PDGFC: variants seen among roughly 807,000 people sequenced by gnomAD.
PDGFC encodes the protein platelet derived growth factor C.
Under a neutral mutation model 35.5 loss-of-function variants are expected in PDGFC, and 12 were observed. That is an observed-to-expected ratio of 0.34 (90% CI 0.22 to 0.55). PDGFC has a LOEUF of 0.55. Ranked by LOEUF, PDGFC falls within the 20% of genes least tolerant of loss-of-function variation. PDGFC has a pLI of 0.91. For synonymous variants in PDGFC, 159 were observed against 148.8 expected (o/e 1.07, Z -0.50); for missense variants, 322 against 412.4 (o/e 0.78, Z 1.90).
intron 1 of PDGFC, among the ~76,000 whole-genome samples, chr4:156,934,651 CATTT>C (rs1366594439): frequency 6.6e-6 from 1 of 152,150 alleles, no homozygotes; most frequent in Non-Finnish European, 1.5e-5. Context: ...TTTGCAATAA[CATTT>C]AGTTTAAAAT....
chr4:156,816,756 T>C (rs1017960204), intron 2 of PDGFC, among the ~76,000 whole-genome samples: 4 of 152,190 alleles, frequency 2.6e-5, no homozygotes, highest in Admixed American at 2.0e-4. Flanking sequence ...ATATTTAAAA[T>C]ATGCCTATAT....
intron 1 of PDGFC, among the ~76,000 whole-genome samples, chr4:156,942,704 A>G (rs1265364916): frequency 6.8e-6 from 1 of 147,336 alleles, no homozygotes; most frequent in African/African-American, 2.5e-5. Context: ...TTATATAATT[A>G]TAATATTATT....
At chr4:156,847,397 A>T (rs564882395) in intron 2 of PDGFC, among the ~76,000 whole-genome samples, 9 of 151,902 alleles carry the variant, frequency 5.9e-5, no homozygotes, top group African/African-American at 1.9e-4. Context: ...ACATGTGAAC[A>T]ATCTAAACTG....
At chr4:156,911,160 GGAAAATTGAACT>G (rs1014936681) in intron 1 of PDGFC, among the ~76,000 whole-genome samples, 1 of 151,996 alleles carries the variant, frequency 6.6e-6, no homozygotes, top group Non-Finnish European at 1.5e-5. Context: ...GGTTTCATGA[GGAAAATTGAACT>G]TGCATGTTAA....
At position 156,970,883 on chromosome 4, in the gene PDGFC, G is replaced by T; in HGVS notation, c.21C>A (p.Leu7=). 3 of 1,613,518 alleles carry T rather than the reference G, an allele frequency of 1.9e-6. No individual in the cohort carries two copies. The highest frequency in any genetic ancestry group is 2.5e-6 in the Non-Finnish European group (3 of 1,179,550). MSLFGL[L]LLTSALAGQR... ...GGCCGGCCAGGGCAGATGTCAGCAGGAGAAGCCCGAAGAGGCTCATTTGGC... is the reference window on the plus strand; with the variant it reads ...GGCCGGCCAGGGCAGATGTCAGCAGTAGAAGCCCGAAGAGGCTCATTTGGC... Residue 7 remains leucine, a synonymous_variant, in exon 1 of 6, where the codon CTC becomes CTA. Coordinates refer to ENST00000502773, the MANE Select transcript of PDGFC (RefSeq NM_016205.3).
At chr4:156,847,370 A>T (rs141411630) in intron 2 of PDGFC, among the ~76,000 whole-genome samples, 10 of 151,872 alleles carry the variant, frequency 6.6e-5, no homozygotes, top group African/African-American at 2.4e-4. Context: ...TTATAATCTC[A>T]GTGTAAGCAT....
chr4:156,922,799 G>A (rs953490969), intron 1 of PDGFC, among the ~76,000 whole-genome samples: 2 of 152,050 alleles, frequency 1.3e-5, no homozygotes, highest in African/African-American at 2.4e-5. Flanking sequence ...AGGAGTGCTG[G>A]GAAGTTGGGT....
At chr4:156,799,318 A>G (rs1731532796) in intron 3 of PDGFC, among the ~76,000 whole-genome samples, 2 of 152,176 alleles carry the variant, frequency 1.3e-5, no homozygotes, top group South Asian at 4.1e-4. Context: ...TGGGGCCAAG[A>G]CACAAAGACA....
At chr4:156,783,700 G>A (rs913560019) in intron 3 of PDGFC, among the ~76,000 whole-genome samples, 6 of 151,992 alleles carry the variant, frequency 3.9e-5, no homozygotes, top group South Asian at 4.2e-4. Context: ...TACTTGCCTC[G>A]AAGTTCTTTC....
At chr4:156,817,437 T>A (rs1732117824) in intron 2 of PDGFC, among the ~76,000 whole-genome samples, 3 of 152,200 alleles carry the variant, frequency 2.0e-5, no homozygotes, top group Admixed American at 2.0e-4. Context: ...AACTTTATGC[T>A]AATTAAACCT....
intron 1 of PDGFC, among the ~76,000 whole-genome samples, chr4:156,910,339 C>T (rs764006370): frequency 1.3e-5 from 2 of 152,104 alleles, no homozygotes; most frequent in Non-Finnish European, 2.9e-5. Flanking sequence ...CATTACATTA[C>T]TGTAGTAAAT....
intron 1 of PDGFC, among the ~76,000 whole-genome samples, chr4:156,939,707 C>T (rs1731762581): frequency 6.6e-6 from 1 of 152,018 alleles, no homozygotes; most frequent in African/African-American, 2.4e-5. Context: ...ATTAAATGAA[C>T]ACCCCCTTCT....
At chr4:156,827,414 C>T (rs2111008799) in intron 2 of PDGFC, among the ~76,000 whole-genome samples, 1 of 133,934 alleles carries the variant, frequency 7.5e-6, no homozygotes, top group East Asian at 2.1e-4. Flanking sequence ...GAGACTCCAT[C>T]TCAAAAAAAA....
intron 1 of PDGFC, among the ~76,000 whole-genome samples, chr4:156,888,253 C>T (rs1353345501): frequency 6.6e-6 from 1 of 152,072 alleles, no homozygotes; most frequent in African/African-American, 2.4e-5. Flanking sequence ...TTATCAGAAA[C>T]ATCATACTCA....
chr4:156,913,361 A>AG (rs1731083899), intron 1 of PDGFC, among the ~76,000 whole-genome samples: 1 of 152,024 alleles, frequency 6.6e-6, no homozygotes, highest in Non-Finnish European at 1.5e-5. Context: ...TATTTTAAAA[A>AG]GAAAAAAAAA....
At position 156,842,650 on chromosome 4, in the gene PDGFC, A is replaced by G. The variant is rs202080941; in HGVS notation, c.314+7571T>C. 5.9e-5 allele frequency among the ~76,000 whole-genome samples: 9 copies of G among 152,262 alleles called. No homozygotes were observed. The East Asian group carries it at 1.5e-3, about 26-fold the overall frequency. ...CTCAGCTTAGTAGTCAAGGTTCTTCACAATTTGATCCTCTCTACCATTACA... is the reference window on the plus strand; with the variant it reads ...CTCAGCTTAGTAGTCAAGGTTCTTCGCAATTTGATCCTCTCTACCATTACA... On this transcript the variant is annotated intron_variant, in intron 2 of 5. Transcript: ENST00000502773.
chr4:156,912,898 A>G (rs917424282), intron 1 of PDGFC, among the ~76,000 whole-genome samples: 21 of 152,150 alleles, frequency 1.4e-4, no homozygotes, highest in Admixed American at 2.0e-4. Context: ...AGGGATTAAA[A>G]AAATCTTTTA....
chr4:156,827,353 G>C (rs1332356650), intron 2 of PDGFC, among the ~76,000 whole-genome samples: 1 of 151,744 alleles, frequency 6.6e-6, no homozygotes, highest in East Asian at 1.9e-4. Flanking sequence ...GGAGGCAGAG[G>C]TTGCAGTGAG....
chr4:156,903,104 A>AGTGTGTGTGTGT (rs10684023), intron 1 of PDGFC, among the ~76,000 whole-genome samples: 16 of 130,678 alleles, frequency 1.2e-4, no homozygotes, highest in African/African-American at 3.6e-4. Flanking sequence ...AGAGAGAGAG[A>AGTGTGTGTGTGT]GTGTGTGTGT....
Sources: gnomAD v4.1 joint callset for allele counts (sites outside exome capture counted in the v4.1 genomes callset) on GRCh38, gnomAD v4.1.1 for gene constraint, MANE v1.5 for transcripts, NCBI Gene and HGNC (gene_info 2026-07-23, HGNC 2026-07-21) for gene names.